Variants in RAD51B observed in about 807,000 individuals in gnomAD.
The protein encoded by RAD51B is RAD51 paralog B, also known as DNA repair protein RAD51 homolog 2.
RAD51B carries 38 observed loss-of-function variants against 42.2 expected under a neutral mutation model. The ratio of observed to expected loss-of-function variants is 0.90; its 90% CI spans 0.70 to 1.18. The LOEUF is 1.18. Among genes scored for constraint, RAD51B ranks in the 50% most tolerant of loss-of-function variants. The probability of loss-of-function intolerance (pLI) is 0.00; values close to 1 mark genes in which losing one functional copy is unlikely to be tolerated. For missense variants in RAD51B, 373 were observed against 400.7 expected (o/e 0.93, Z 0.59); for synonymous variants, 154 against 145.2 (o/e 1.06, Z -0.43).
chr14:68,520,714 C>A (rs1289587301), intron 10 of RAD51B, among the ~76,000 whole-genome samples: 1 of 152,182 alleles, frequency 6.6e-6, no homozygotes, highest in Non-Finnish European at 1.5e-5. Context: ...TAGTGAGGAC[C>A]TACTGTGTGC....
intron 10 of RAD51B, among the ~76,000 whole-genome samples, chr14:68,604,282 A>G (rs529615177): frequency 5.6e-5 from 6 of 106,900 alleles, no homozygotes; most frequent in South Asian, 6.6e-4. Context: ...GGCCACGCCA[A>G]TGAAGTCCCC....
At chr14:68,468,822 G>C (rs1189065126) in intron 10 of RAD51B, among the ~76,000 whole-genome samples, 2 of 152,202 alleles carry the variant, frequency 1.3e-5, no homozygotes, top group East Asian at 3.9e-4. Context: ...GACTTAGAAG[G>C]AGCTGAGTTC....
At chr14:68,594,488 C>T in exon 11 of RAD51B, 1 of 1,368,192 alleles carries the variant, frequency 7.3e-7, no homozygotes, top group Non-Finnish European at 9.7e-7. Context: ...CTCTTAGAGA[C>T]AACATTTTGC....
At chr14:67,889,322 A>G (rs1045323591) in intron 7 of RAD51B, among the ~76,000 whole-genome samples, 1 of 147,264 alleles carries the variant, frequency 6.8e-6, no homozygotes, top group Middle Eastern at 3.4e-3. Flanking sequence ...TCCGAGATTT[A>G]ATTAAAAAAA....
intron 7 of RAD51B, among the ~76,000 whole-genome samples, chr14:68,027,649 A>G (rs2075975893): frequency 6.6e-6 from 1 of 152,062 alleles, no homozygotes. Flanking sequence ...AATTATTCCA[A>G]TTATGAAATT....
At chr14:68,476,766 A>G (rs1450448832) in intron 10 of RAD51B, among the ~76,000 whole-genome samples, 1 of 152,086 alleles carries the variant, frequency 6.6e-6, no homozygotes, top group Non-Finnish European at 1.5e-5. Flanking sequence ...AACTCACAAA[A>G]CCCGACAAAT....
intron 8 of RAD51B, among the ~76,000 whole-genome samples, chr14:68,307,127 G>A (rs981100408): frequency 6.6e-6 from 1 of 152,034 alleles, no homozygotes; most frequent in Non-Finnish European, 1.5e-5. Flanking sequence ...CTCCAGGCAG[G>A]TGCACAGAGG....
chr14:67,877,816 C>T (rs2042776087), intron 5 of RAD51B, among the ~76,000 whole-genome samples: 2 of 152,174 alleles, frequency 1.3e-5, no homozygotes, highest in Admixed American at 6.5e-5. Context: ...ACGTGTGCTA[C>T]CACGCCTGGC....
chr14:68,472,814 A>G (rs2086159633), intron 10 of RAD51B, among the ~76,000 whole-genome samples: 1 of 152,228 alleles, frequency 6.6e-6, no homozygotes, highest in Non-Finnish European at 1.5e-5. Flanking sequence ...GGGTGGCAGA[A>G]GAAAACAGAA....
At chr14:68,500,205 G>A (rs1389424319) in intron 10 of RAD51B, among the ~76,000 whole-genome samples, 2 of 152,324 alleles carry the variant, frequency 1.3e-5, no homozygotes, top group South Asian at 2.1e-4. Context: ...TGAAATAGTG[G>A]TAGTAATAAT....
intron 10 of RAD51B, among the ~76,000 whole-genome samples, chr14:68,569,014 A>G (rs1423505738): frequency 6.6e-6 from 1 of 152,090 alleles, no homozygotes; most frequent in African/African-American, 2.4e-5. Context: ...CCAATCTCAG[A>G]GTGTGTTGAA....
At chr14:68,572,598 A>T (rs1209535229) in intron 10 of RAD51B, among the ~76,000 whole-genome samples, 1 of 150,964 alleles carries the variant, frequency 6.6e-6, no homozygotes, top group Non-Finnish European at 1.5e-5. Context: ...CACCCCAATA[A>T]CTCCTGCGGT....
intron 10 of RAD51B, among the ~76,000 whole-genome samples, chr14:68,567,802 A>G (rs1395035941): frequency 1.3e-5 from 2 of 152,194 alleles, no homozygotes; most frequent in South Asian, 4.1e-4. Flanking sequence ...TGGCTGTGCC[A>G]TTATTGTCTC....
intron 8 of RAD51B, among the ~76,000 whole-genome samples, chr14:68,340,862 T>C (rs1460963664): frequency 6.6e-6 from 1 of 152,222 alleles, no homozygotes; most frequent in Non-Finnish European, 1.5e-5. Flanking sequence ...ATGAAAGCAA[T>C]GGAGAACAGT....
chr14:67,933,654 G>A lies in RAD51B; in HGVS notation c.756+46450G>A, dbSNP rs140193156. On this transcript the variant is annotated intron_variant, in intron 7 of 10. Transcript: ENST00000471583. ...GGGGCTCATAGCTGATCTTGGCTGA[G>A]TTGGTCACTTGCTTCCTTCTCCTTC... is the stretch of plus-strand genomic sequence containing the variant. Among the ~76,000 whole-genome samples the A allele has an allele frequency of 5.9e-5, 9 of 152,310 alleles. No individual in the cohort carries two copies. The East Asian group carries it at 1.7e-3, about 29-fold the overall frequency.
chr14:68,057,130 G>A (rs2076489924), intron 7 of RAD51B, among the ~76,000 whole-genome samples: 1 of 151,990 alleles, frequency 6.6e-6, no homozygotes, highest in Non-Finnish European at 1.5e-5. Flanking sequence ...TATTTATTGG[G>A]TTGGGTGGAG....
intron 4 of RAD51B, among the ~76,000 whole-genome samples, chr14:67,842,665 C>T (rs1472795558): frequency 6.6e-6 from 1 of 152,164 alleles, no homozygotes; most frequent in African/African-American, 2.4e-5. Flanking sequence ...CCACCGTGCC[C>T]AGCCTTATTT....
chr14:68,546,818 G>C (rs545577885), intron 10 of RAD51B, among the ~76,000 whole-genome samples: 1 of 152,258 alleles, frequency 6.6e-6, no homozygotes, highest in Non-Finnish European at 1.5e-5. Context: ...AGGTCAGTGG[G>C]AATGGGAGCT....
chr14:68,354,679 G>A (rs1395141742), intron 8 of RAD51B, among the ~76,000 whole-genome samples: 1 of 151,874 alleles, frequency 6.6e-6, no homozygotes, highest in East Asian at 1.9e-4. Context: ...GACCAGCCTG[G>A]GCAACAAAGC....
Sources: gnomAD v4.1 joint callset for allele counts (sites outside exome capture counted in the v4.1 genomes callset) on GRCh38, gnomAD v4.1.1 for gene constraint, MANE v1.5 for transcripts, NCBI Gene and HGNC (gene_info 2026-07-23, HGNC 2026-07-21) for gene names.